The following BTBD9 variants were observed in gnomAD, a reference collection of about 807,000 sequenced individuals.
The protein encoded by BTBD9 is BTB domain containing 9, also known as BTB/POZ domain-containing protein 9.
A neutral mutation model predicts 64.3 loss-of-function variants in BTBD9; 49 were observed. The observed-to-expected ratio is 0.76, with a 90% CI of 0.61 to 0.97. BTBD9 has a LOEUF of 0.97. Among genes scored for constraint, BTBD9 ranks in the 50% least tolerant of loss-of-function variants. BTBD9 has a pLI of 0.00. For missense variants in BTBD9, 598 were observed against 762.1 expected (o/e 0.78, Z 2.53); for synonymous variants, 260 against 274.7 (o/e 0.95, Z 0.53).
At chr6:38,358,215 A>C (rs1012173979) in intron 6 of BTBD9, among the ~76,000 whole-genome samples, 4 of 151,940 alleles carry the variant, frequency 2.6e-5, no homozygotes, top group Admixed American at 6.6e-5. Context: ...TATATTCCAC[A>C]TGCAGATGGG....
intron 6 of BTBD9, among the ~76,000 whole-genome samples, chr6:38,499,049 T>C (rs572296687): frequency 7.0e-4 from 106 of 152,310 alleles, no homozygotes; most frequent in African/African-American, 2.3e-3. Context: ...TCTTTTATAG[T>C]TGGTCTTTTG....
intron 1 of BTBD9, among the ~76,000 whole-genome samples, chr6:38,600,000 T>C (rs1777188035): frequency 6.6e-6 from 1 of 152,168 alleles, no homozygotes; most frequent in Non-Finnish European, 1.5e-5. Flanking sequence ...CAGCCTCCAT[T>C]TGAAAGCCCT....
chr6:38,364,413 A>G (rs1765107107), intron 6 of BTBD9, among the ~76,000 whole-genome samples: 1 of 152,226 alleles, frequency 6.6e-6, no homozygotes, highest in South Asian at 2.1e-4. Context: ...TATGAACACA[A>G]AAACAGACAG....
At chr6:38,507,504 C>A (rs1052077895) in intron 6 of BTBD9, among the ~76,000 whole-genome samples, 2 of 152,200 alleles carry the variant, frequency 1.3e-5, no homozygotes, top group Non-Finnish European at 2.9e-5. Context: ...CTCTCCATAC[C>A]ATCCAACTGC....
At chr6:38,537,435 T>C (rs1774071114) in intron 6 of BTBD9, among the ~76,000 whole-genome samples, 1 of 152,230 alleles carries the variant, frequency 6.6e-6, no homozygotes. Flanking sequence ...GATATGTAAA[T>C]ATACACAAAT....
At chr6:38,581,444 A>C (rs1776281290) in intron 4 of BTBD9, among the ~76,000 whole-genome samples, 1 of 152,216 alleles carries the variant, frequency 6.6e-6, no homozygotes, top group African/African-American at 2.4e-5. Flanking sequence ...TAAAAATGAA[A>C]ATTGATAGTC....
intron 6 of BTBD9, among the ~76,000 whole-genome samples, chr6:38,363,645 T>C (rs1765066700): frequency 6.6e-6 from 1 of 152,230 alleles, no homozygotes; most frequent in African/African-American, 2.4e-5. Context: ...GGCAGGATTG[T>C]ATTTATCATA....
intron 1 of BTBD9, among the ~76,000 whole-genome samples, chr6:38,616,880 C>T (rs1315502735): frequency 2.6e-5 from 4 of 152,144 alleles, no homozygotes; most frequent in Non-Finnish European, 5.9e-5. Context: ...TGTAACACCA[C>T]AAAGGTCCGC....
intron 1 of BTBD9, among the ~76,000 whole-genome samples, chr6:38,629,191 AAC>A (rs2127530892): frequency 6.6e-6 from 1 of 152,356 alleles, no homozygotes; most frequent in South Asian, 2.1e-4. Context: ...TTCATTTGGC[AAC>A]AATCATGACA....
chr6:38,595,493 A>C (rs745848635), intron 2 of BTBD9, among the ~76,000 whole-genome samples: 18 of 152,218 alleles, frequency 1.2e-4, no homozygotes, highest in Non-Finnish European at 2.2e-4. Flanking sequence ...TTAAACTTCC[A>C]ATCTATCAGG....
At position 38,485,623 on chromosome 6, in the gene BTBD9, G is replaced by A. The variant is rs114951848; in HGVS notation, c.1154+91977C>T. Among the ~76,000 whole-genome samples the A allele has an allele frequency of 4.9e-3, 744 of 152,296 alleles. 7 individuals are homozygous for A. The highest frequency in any genetic ancestry group is 0.017 in the African/African-American group (700 of 41,558). On this transcript the variant is annotated intron_variant, in intron 6 of 10. Transcript: ENST00000481247. The stretch of plus-strand genomic sequence containing the variant: ...TTTGTCTCAGCAGTAGGTGTCAGCT[G>A]TGGGCTTAAGATATTCAGGAAACCA...
chr6:38,248,290 G>A (rs1764278325), intron 9 of BTBD9, among the ~76,000 whole-genome samples: 1 of 152,198 alleles, frequency 6.6e-6, no homozygotes, highest in Admixed American at 6.5e-5. Flanking sequence ...GATAAAATTA[G>A]AAGCTAAAAG....
intron 1 of BTBD9, among the ~76,000 whole-genome samples, chr6:38,627,144 A>G (rs1038101140): frequency 6.6e-6 from 1 of 152,228 alleles, no homozygotes; most frequent in Non-Finnish European, 1.5e-5. Context: ...CCAACCCACC[A>G]ATTACACCAC....
chr6:38,367,741 A>T (rs1452697931), intron 6 of BTBD9, among the ~76,000 whole-genome samples: 1 of 140,118 alleles, frequency 7.1e-6, no homozygotes, highest in Admixed American at 7.6e-5. Context: ...TCCTACCTGT[A>T]GATATTTATA....
At chr6:38,621,646 C>T (rs1777987034) in intron 1 of BTBD9, among the ~76,000 whole-genome samples, 1 of 152,218 alleles carries the variant, frequency 6.6e-6, no homozygotes, top group African/African-American at 2.4e-5. Flanking sequence ...TCTAATCCTA[C>T]ATGCCCATGC....
intron 2 of BTBD9, chr6:38,595,806 T>C: frequency 1.0e-6 from 1 of 985,338 alleles, no homozygotes; most frequent in Non-Finnish European, 1.2e-6. Flanking sequence ...AAAGTACCCC[T>C]GAAGGTTTCC....
intron 10 of BTBD9, among the ~76,000 whole-genome samples, chr6:38,186,258 G>GTTAT (rs1425219407): frequency 6.6e-6 from 1 of 152,122 alleles, no homozygotes; most frequent in Non-Finnish European, 1.5e-5. Flanking sequence ...CATATATGAG[G>GTTAT]ATTAAATCAT....
intron 6 of BTBD9, among the ~76,000 whole-genome samples, chr6:38,462,635 G>C: frequency 6.6e-6 from 1 of 152,042 alleles, no homozygotes. Flanking sequence ...ATTTCTACGT[G>C]AATTTGAAAA....
chr6:38,415,474 T>C (rs1393146811), intron 6 of BTBD9, among the ~76,000 whole-genome samples: 1 of 152,126 alleles, frequency 6.6e-6, no homozygotes, highest in Admixed American at 6.5e-5. Flanking sequence ...CCTGATGACA[T>C]CTTGATTTTA....
Sources: allele counts gnomAD v4.1 joint callset (sites outside exome capture counted in the v4.1 genomes callset), GRCh38; gene constraint gnomAD v4.1.1; transcripts MANE v1.5; gene names NCBI Gene and HGNC (gene_info 2026-07-23, HGNC 2026-07-21).